The following C2CD3 variants were observed in gnomAD, a reference collection of about 807,000 sequenced individuals.
C2CD3 encodes C2 domain containing 3 centriole elongation regulator.
Under a neutral mutation model 234.0 loss-of-function variants are expected in C2CD3, and 148 were observed. The ratio of observed to expected loss-of-function variants is 0.63; its 90% CI spans 0.55 to 0.72. The LOEUF is 0.72. C2CD3 is among the 30% of genes least tolerant of loss of function. The probability of loss-of-function intolerance (pLI) is 0.00; values close to 1 mark genes in which losing one functional copy is unlikely to be tolerated. For missense variants in C2CD3, 2,577 were observed against 2,811.5 expected, an observed-to-expected ratio of 0.92 and a Z score of 1.89; for synonymous variants, 1,000 against 1,035.4, an observed-to-expected ratio of 0.97 and a Z score of 0.66.
chr11:74,167,577 T>C (rs1260617903), intron 2 of C2CD3, among the ~76,000 whole-genome samples: 2 of 152,252 alleles, frequency 1.3e-5, no homozygotes, highest in Non-Finnish European at 2.9e-5. Context: ...CAAGGACAAG[T>C]TAATCTTAAC....
chr11:74,100,818 A>G, intron 14 of C2CD3, 142 bp from the exon 15 acceptor site: 1 of 663,820 alleles, frequency 1.5e-6, no homozygotes, highest in Non-Finnish European at 2.5e-6. Flanking sequence ...AATAAAACTT[A>G]CTCTGTATCC....
intron 11 of C2CD3, among the ~76,000 whole-genome samples, chr11:74,111,785 G>T (rs992578936): frequency 6.6e-6 from 1 of 151,712 alleles, no homozygotes; most frequent in Non-Finnish European, 1.5e-5. Flanking sequence ...AGATTTTTTT[G>T]CGATTTTTTT....
At position 74,114,568 on chromosome 11, in the gene C2CD3, A is replaced by G. The variant is rs758309962; in HGVS notation, c.1546T>C (p.Ser516Pro). The part of the protein sequence containing the change: ...NRNLVEQQML[S>P]ETPEDAQTMT... ...GTTTGGGCATCTTCTGGAGTTTCTG[A>G]GAGCATCTGTTGTTCAACCAAATTT... Residue 516 changes from serine (S) to proline (P), a missense_variant, in exon 10 of 33, where the codon TCA (serine) becomes CCA (proline). By Grantham distance (74) the Ser-to-Pro change is moderately conservative (BLOSUM62 -1). Transcript: ENST00000334126. 3 of 1,613,974 alleles carry G rather than the reference A, an allele frequency of 1.9e-6. No homozygotes were observed. Among genetic ancestry groups the G allele is most frequent in the East Asian group, 4.5e-5 (2 of 44,860 alleles).
intron 18 of C2CD3, 99 bp downstream of exon 18, chr11:74,093,717 G>A (rs1036624970): frequency 2.3e-6 from 2 of 879,534 alleles, no homozygotes; most frequent in South Asian, 2.1e-5. Context: ...AGGCTGCTTA[G>A]CTTCCTTACA....
At position 74,054,646 on chromosome 11, in the gene C2CD3, G is replaced by T; in HGVS notation, c.5116C>A (p.Pro1706Thr). Residue 1706 changes from proline (P) to threonine (T), a missense_variant, in exon 26 of 33, where the codon CCA (proline) becomes ACA (threonine). By Grantham distance (38) the Pro-to-Thr change is conservative. Transcript: ENST00000334126. ...SRLSKELLLD[P>T]QQTLVFKVWH... ...ACTTTGAAGACCAGGGTTTGTTGTG[G>T]GTCCAGAAGCAGCTCTTTTGATAGC... is the stretch of plus-strand genomic sequence containing the variant. The T allele has an allele frequency of 6.2e-7, 1 of 1,612,318 alleles. No homozygotes were observed. Among genetic ancestry groups the T allele is most frequent in the African/African-American group, 1.3e-5 (1 of 74,938 alleles).
chr11:74,081,923 C>A (rs1477710162), intron 22 of C2CD3, among the ~76,000 whole-genome samples: 2 of 152,118 alleles, frequency 1.3e-5, no homozygotes, highest in Non-Finnish European at 2.9e-5. Context: ...ATAATCATGT[C>A]ATCTGCAAAC....
At chr11:74,077,803 A>AGTCTCTT (rs1955121189) in intron 23 of C2CD3, among the ~76,000 whole-genome samples, 2 of 15,780 alleles carry the variant, frequency 1.3e-4, no homozygotes, top group African/African-American at 2.9e-4. Context: ...ATATATATAT[A>AGTCTCTT]TATATATATA....
intron 31 of C2CD3, among the ~76,000 whole-genome samples, 185 bp from the exon 32 acceptor site, chr11:74,028,583 A>G (rs1053929054): frequency 3.3e-5 from 5 of 152,102 alleles, no homozygotes; most frequent in Non-Finnish European, 5.9e-5. Flanking sequence ...AACACATATA[A>G]GTTTTTTATG....
intron 14 of C2CD3, among the ~76,000 whole-genome samples, chr11:74,101,316 C>T (rs1017198997): frequency 2.6e-5 from 4 of 152,074 alleles, no homozygotes; most frequent in African/African-American, 4.8e-5. Flanking sequence ...CAAGGGCCCA[C>T]CAATTTGAAG....
chr11:74,168,665 A>T lies in C2CD3; in HGVS notation c.56-52T>A, dbSNP rs780256423. On this transcript the variant is annotated intron_variant, in intron 1 of 32. Coordinates refer to ENST00000334126, the MANE Select transcript of C2CD3 (RefSeq NM_001286577.2). The stretch of plus-strand genomic sequence containing the variant: ...TCAAAATTTAGACTAAATATAGAAA[A>T]CATATAATATGCTTTTTGAATGAAA... The T allele has an allele frequency of 9.5e-6, 14 of 1,481,060 alleles. No individual in the cohort carries two copies. The East Asian group carries it at 3.2e-4, about 34-fold the overall frequency. 91.7% of individuals were successfully genotyped at this position (1,481,060 alleles called of 1,614,324 possible).
chr11:74,018,765 G>C (rs1951969653), intron 32 of C2CD3, among the ~76,000 whole-genome samples: 1 of 152,184 alleles, frequency 6.6e-6, no homozygotes, highest in Non-Finnish European at 1.5e-5. Context: ...TTAGACTAGA[G>C]GCCCAGCCCT....
chr11:74,113,975 T>A, intron 10 of C2CD3, 83 bp from the exon 11 acceptor site: 1 of 869,980 alleles, frequency 1.1e-6, no homozygotes, highest in South Asian at 1.7e-5. Flanking sequence ...ATATTTGAAA[T>A]CTTACTTTCA....
intron 8 of C2CD3, among the ~76,000 whole-genome samples, chr11:74,121,342 C>G (rs1957208013): frequency 6.6e-6 from 1 of 152,084 alleles, no homozygotes; most frequent in Non-Finnish European, 1.5e-5. Flanking sequence ...CATGATGGCT[C>G]ACACCTGTAA....
intron 2 of C2CD3, chr11:74,164,210 C>G (rs936358580): frequency 1.0e-6 from 1 of 959,904 alleles, no homozygotes; most frequent in Admixed American, 6.2e-5. Flanking sequence ...ATTCCTACTC[C>G]GATTTGTCTT....
intron 25 of C2CD3, among the ~76,000 whole-genome samples, chr11:74,056,646 G>A (rs754098820): frequency 1.3e-5 from 2 of 152,176 alleles, no homozygotes; most frequent in African/African-American, 2.4e-5. Context: ...AAGTGTCTCT[G>A]GTTCAAATGC....
chr11:74,090,598 G>T (rs995378133), intron 20 of C2CD3, among the ~76,000 whole-genome samples: 1 of 152,206 alleles, frequency 6.6e-6, no homozygotes. Flanking sequence ...GGATAAAATT[G>T]TTGGGCAAGG....
chr11:74,050,818 T>A (rs1188416508), intron 26 of C2CD3, among the ~76,000 whole-genome samples: 2 of 150,324 alleles, frequency 1.3e-5, no homozygotes, highest in Non-Finnish European at 2.9e-5. Context: ...TCTTCCTGCA[T>A]GAAAAACTTG....
At chr11:74,090,257 A>G (rs61901211) in intron 20 of C2CD3, among the ~76,000 whole-genome samples, 27,354 of 152,100 alleles carry the variant, frequency 0.18, 2,667 homozygotes, top group East Asian at 0.3. Flanking sequence ...GGCCAGGTGC[A>G]CTGGCTCACG....
chr11:74,108,005 G>C (rs540781087), intron 12 of C2CD3: 1 of 152,224 alleles, frequency 6.6e-6, no homozygotes, highest in Non-Finnish European at 1.5e-5. Flanking sequence ...AAAAAAATTA[G>C]CCAGGTGTGG....
Sources: allele counts gnomAD v4.1 joint callset (sites outside exome capture counted in the v4.1 genomes callset), GRCh38; gene constraint gnomAD v4.1.1; transcripts MANE v1.5; gene names NCBI Gene and HGNC (gene_info 2026-07-23, HGNC 2026-07-21).